PPP3CA: variants seen among roughly 807,000 people sequenced by gnomAD.
PPP3CA encodes the protein protein phosphatase 3 catalytic subunit alpha.
A neutral mutation model predicts 66.5 loss-of-function variants in PPP3CA; 14 were observed. That is an observed-to-expected ratio of 0.21 (90% CI 0.14 to 0.33). The LOEUF (loss-of-function observed/expected upper bound fraction) is 0.33, where lower values mean the gene tolerates loss of function less well. PPP3CA is among the 10% of genes least tolerant of loss of function. The probability of loss-of-function intolerance (pLI) is 1.00; values close to 1 mark genes in which losing one functional copy is unlikely to be tolerated. For synonymous variants in PPP3CA, 232 were observed against 226.2 expected (o/e 1.03, Z -0.23); for missense variants, 317 against 639.5 (o/e 0.50, Z 5.44).
chr4:101,133,024 A>G (rs1317873772), intron 2 of PPP3CA, among the ~76,000 whole-genome samples: 1 of 148,268 alleles, frequency 6.7e-6, no homozygotes, highest in Non-Finnish European at 1.5e-5. Context: ...ATAGATGCAA[A>G]AAAGGCCTTC....
chr4:101,282,387 G>A (rs770982147), intron 1 of PPP3CA, among the ~76,000 whole-genome samples: 8 of 152,162 alleles, frequency 5.3e-5, no homozygotes, highest in Non-Finnish European at 1.0e-4. Context: ...TTAGATACAG[G>A]TCCAGACCTC....
chr4:101,040,397 T>C (rs1352208011), intron 11 of PPP3CA, 85 bp downstream of exon 11: 2 of 945,326 alleles, frequency 2.1e-6, no homozygotes. Context: ...GTAAAATATT[T>C]AAATTACCAG....
At chr4:101,323,491 A>C (rs1003093786) in intron 1 of PPP3CA, among the ~76,000 whole-genome samples, 1 of 152,188 alleles carries the variant, frequency 6.6e-6, no homozygotes, top group Non-Finnish European at 1.5e-5. Context: ...CAATGTAATG[A>C]GGAGTAAATG....
chr4:101,332,643 A>G (rs575660390), intron 1 of PPP3CA, among the ~76,000 whole-genome samples: 4 of 152,376 alleles, frequency 2.6e-5, no homozygotes, highest in African/African-American at 9.6e-5. Context: ...GCAAAATTAC[A>G]ATACCTAACA....
At chr4:101,219,110 AAATGGAAGGG>A (rs1725543616) in intron 1 of PPP3CA, among the ~76,000 whole-genome samples, 1 of 152,042 alleles carries the variant, frequency 6.6e-6, no homozygotes, top group Admixed American at 6.6e-5. Context: ...CAATGGGGGA[AAATGGAAGGG>A]TGTGACTGGG....
At chr4:101,346,105 C>CCCCCG (rs1729979926) in intron 1 of PPP3CA, among the ~76,000 whole-genome samples, 1 of 151,942 alleles carries the variant, frequency 6.6e-6, no homozygotes, top group South Asian at 2.1e-4. Flanking sequence ...ACCGCCCCCG[C>CCCCCG]CCCCGCCCCG....
chr4:101,302,865 T>C (rs941563913), intron 1 of PPP3CA, among the ~76,000 whole-genome samples: 1 of 152,198 alleles, frequency 6.6e-6, no homozygotes, highest in African/African-American at 2.4e-5. Context: ...GTAAATGCAA[T>C]TCAGACTCCC....
chr4:101,194,011 G>C (rs1724707400), intron 2 of PPP3CA, among the ~76,000 whole-genome samples: 1 of 152,108 alleles, frequency 6.6e-6, no homozygotes, highest in Non-Finnish European at 1.5e-5. Flanking sequence ...CTTCTTTTGA[G>C]AGTTTACATA....
intron 11 of PPP3CA, among the ~76,000 whole-genome samples, chr4:101,036,393 G>A (rs568842763): frequency 2.7e-5 from 4 of 148,962 alleles, no homozygotes; most frequent in African/African-American, 5.0e-5. Flanking sequence ...GTTTACTCTC[G>A]TCTACATTTC....
intron 2 of PPP3CA, among the ~76,000 whole-genome samples, chr4:101,186,584 T>C (rs904554225): frequency 6.6e-6 from 1 of 152,192 alleles, no homozygotes; most frequent in African/African-American, 2.4e-5. Flanking sequence ...TTTTTATTTT[T>C]CATTTTCTTC....
chr4:101,319,799 T>G (rs1014815429), intron 1 of PPP3CA, among the ~76,000 whole-genome samples: 5 of 152,110 alleles, frequency 3.3e-5, no homozygotes, highest in Admixed American at 2.6e-4. Context: ...CTATTTTAAA[T>G]ACAAAATAAA....
chr4:101,098,098 AT>A (rs1253031152), intron 5 of PPP3CA, among the ~76,000 whole-genome samples: 6 of 152,002 alleles, frequency 3.9e-5, no homozygotes, highest in South Asian at 2.1e-4. Flanking sequence ...GATAAGGCAT[AT>A]TTTTTTTAGA....
intron 2 of PPP3CA, among the ~76,000 whole-genome samples, chr4:101,193,779 A>C (rs1724693736): frequency 7.3e-6 from 1 of 137,602 alleles, no homozygotes; most frequent in South Asian, 2.1e-4. Context: ...GTCTTTGTTC[A>C]TTTTAACTTT....
intron 1 of PPP3CA, among the ~76,000 whole-genome samples, chr4:101,329,755 C>T (rs1447238347): frequency 6.6e-6 from 1 of 152,028 alleles, no homozygotes; most frequent in South Asian, 2.1e-4. Context: ...GCCTGTGCTC[C>T]GTAAGTGGAA....
intron 1 of PPP3CA, among the ~76,000 whole-genome samples, chr4:101,333,400 AC>A (rs893600237): frequency 2.0e-4 from 29 of 147,274 alleles, no homozygotes; most frequent in African/African-American, 6.7e-4. Flanking sequence ...TATTGGGATT[AC>A]AGGCATGAGC....
intron 6 of PPP3CA, among the ~76,000 whole-genome samples, chr4:101,089,476 T>C (rs773461002): frequency 3.5e-4 from 54 of 152,150 alleles, no homozygotes; most frequent in Non-Finnish European, 7.5e-4. Flanking sequence ...TCCAAAACAC[T>C]TCAAAATCAC....
chr4:101,084,119 T>C (rs1029597281), intron 6 of PPP3CA, among the ~76,000 whole-genome samples: 45 of 152,330 alleles, frequency 3.0e-4, no homozygotes, highest in African/African-American at 1.1e-3. Flanking sequence ...AAATAAATTT[T>C]TGACAATGCA....
Position 101,196,065 on chromosome 4 carries a change from T to C in PPP3CA, c.110A>G (p.Asn37Ser), listed in dbSNP as rs1724780539. The C allele has an allele frequency of 6.2e-7, 1 of 1,614,070 alleles. No individual in the cohort carries two copies. Among genetic ancestry groups the C allele is most frequent in the African/African-American group, 1.3e-5 (1 of 75,048 alleles). The change falls in exon 2 of 14, where the codon AAT becomes AGT. Residue 37 changes from asparagine (N) to serine (S), a missense_variant. Asn to Ser is a conservative substitution (Grantham distance 46). This residue lies in a region of PPP3CA where 76 missense variants were observed against 99.5 expected (regional missense o/e 0.76). Coordinates refer to ENST00000394854, the MANE Select transcript of PPP3CA (RefSeq NM_000944.5). Reference protein sequence around the residue: ...HRLTAKEVFDNDGKPRVDILK... With the variant: ...HRLTAKEVFDSDGKPRVDILK... ...GATATCCACACGAGGTTTTCCATCA[T>C]TATCAAACACTTCTTTTGCTGTAAG... is the stretch of plus-strand genomic sequence containing the variant.
At position 101,025,814 on chromosome 4, in the gene PPP3CA, G is replaced by A. The variant is rs374429848; in HGVS notation, c.*51C>T. The stretch of plus-strand genomic sequence containing the variant: ...TATGCAGCAATCCCCATCATGCCCC[G>A]CAGCTCAAAAAAAAAAAAAAAAAAA... On this transcript the variant is annotated 3_prime_UTR_variant, in exon 14 of 14. Coordinates refer to ENST00000394854, the MANE Select transcript of PPP3CA (RefSeq NM_000944.5). 1.2e-4 allele frequency: 151 copies of A among 1,227,176 alleles called. No individual in the cohort carries two copies. In the African/African-American group the frequency reaches 2.5e-3, roughly 21 times the overall value. The allele number at this position is 1,227,176 out of a possible 1,614,324, so 76.0% of individuals were successfully genotyped here.
Sources: gnomAD v4.1 joint callset for allele counts (sites outside exome capture counted in the v4.1 genomes callset) on GRCh38, gnomAD v4.1.1 for gene constraint, gnomAD v4.1.1 regional missense constraint, MANE v1.5 for transcripts, NCBI Gene and HGNC (gene_info 2026-07-23, HGNC 2026-07-21) for gene names.